Variants in PPP5C observed in about 807,000 individuals in gnomAD.
PPP5C encodes protein phosphatase 5 catalytic subunit.
PPP5C carries 21 observed loss-of-function variants against 66.7 expected under a neutral mutation model. That is an observed-to-expected ratio of 0.31 (90% CI 0.22 to 0.45). PPP5C has a LOEUF of 0.45. Among genes scored for constraint, PPP5C ranks in the 20% least tolerant of loss-of-function variants. The pLI is 1.00. For synonymous variants in PPP5C, 246 were observed against 257.4 expected (o/e 0.96, Z 0.43); for missense variants, 464 against 675.9 (o/e 0.69, Z 3.48).
chr19:46,375,142 G>C (rs1310603519), intron 2 of PPP5C, among the ~76,000 whole-genome samples: 1 of 152,166 alleles, frequency 6.6e-6, no homozygotes, highest in African/African-American at 2.4e-5. Context: ...GGTAACCTGG[G>C]CTTGGGGAGT....
At chr19:46,358,832 C>T (rs1418419720) in intron 2 of PPP5C, among the ~76,000 whole-genome samples, 3 of 152,058 alleles carry the variant, frequency 2.0e-5, no homozygotes, top group Non-Finnish European at 4.4e-5. Flanking sequence ...GTGATGGCAT[C>T]CGTGTATGGC....
At position 46,375,470 on chromosome 19, in the gene PPP5C, G is replaced by T. The variant is rs376943807; in HGVS notation, c.364-134G>T. On this transcript the variant is annotated intron_variant, in intron 2 of 12. Transcript: ENST00000012443. ...AAGGCTCGGCAGTTAAATACGTCTA[G>T]GGTTGCACCATCAGCACCTGGCGCC... The T allele has an allele frequency of 1.1e-4, 155 of 1,348,342 alleles. No homozygotes were observed. The East Asian group carries it at 2.7e-3, about 24-fold the overall frequency. The allele number at this position is 1,348,342 out of a possible 1,614,324, so 83.5% of individuals were successfully genotyped here.
chr19:46,353,612 C>T (rs1601411684), intron 1 of PPP5C, 136 bp from the exon 2 acceptor site: 5 of 1,314,048 alleles, frequency 3.8e-6, no homozygotes, highest in Admixed American at 4.3e-5. Context: ...GAGGGGCAGG[C>T]TGAAGAGATG....
In PPP5C at chr19:46,375,654, G is replaced by A; in HGVS notation, c.414G>A (p.Glu138=). The change falls in exon 3 of 13, where the codon GAG becomes GAA. Residue 138 remains glutamate (E), a synonymous_variant. Coordinates refer to ENST00000012443, the MANE Select transcript of PPP5C (RefSeq NM_006247.4). ...HDKDAKMKYQ[E]CNKIVKQKAF... ...AGGATGCCAAAATGAAATACCAGGA[G>A]TGCAACAAGATCGTGAAGCAGAAGG... is the stretch of plus-strand genomic sequence containing the variant. 6.2e-7 allele frequency: 1 copy of A among 1,614,072 alleles called. No homozygotes were observed. The highest frequency in any genetic ancestry group is 8.5e-7 in the Non-Finnish European group (1 of 1,179,966).
intron 7 of PPP5C, among the ~76,000 whole-genome samples, chr19:46,386,195 G>C (rs1972882718): frequency 6.6e-6 from 1 of 152,152 alleles, no homozygotes; most frequent in Admixed American, 6.5e-5. Context: ...GGGTTCCAAG[G>C]GGTGTTGAAA....
intron 2 of PPP5C, among the ~76,000 whole-genome samples, chr19:46,373,146 C>G (rs1330441890): frequency 6.6e-6 from 1 of 152,246 alleles, no homozygotes; most frequent in African/African-American, 2.4e-5. Flanking sequence ...AGTCCCAGAG[C>G]CCAGGCTCAT....
At position 46,376,775 on chromosome 19, in the gene PPP5C, C is replaced by A; in HGVS notation, c.633+201C>A. The A allele has an allele frequency of 3.0e-6, 2 of 673,922 alleles. No homozygotes were observed. The highest frequency in any genetic ancestry group is 1.8e-5 in the African/African-American group (1 of 54,738). The allele number at this position is 673,922 out of a possible 1,614,324, so 41.7% of individuals were successfully genotyped here. A position where few individuals can be genotyped will look rare whatever the true frequency, so the allele number is the denominator to read the frequency against. Reference sequence around the variant, plus strand: ...CACAGCAGTTTGGGGAGGTGGCAGGCAGTGCCATTTGACAGATGCAGGGAC... The same window carrying A: ...CACAGCAGTTTGGGGAGGTGGCAGGAAGTGCCATTTGACAGATGCAGGGAC... On this transcript the variant is annotated intron_variant, in intron 4 of 12. Transcript: ENST00000012443. The surrounding 1 kb of genome is among the most constrained non-coding windows in gnomAD (Gnocchi z 5.1).
At chr19:46,363,324 A>G (rs1261275960) in intron 2 of PPP5C, among the ~76,000 whole-genome samples, 7 of 131,608 alleles carry the variant, frequency 5.3e-5, no homozygotes, top group Non-Finnish European at 1.6e-5. Flanking sequence ...AAAAAAAAAA[A>G]AAAAAAAAAA....
chr19:46,349,351 G>A (rs1972143039), intron 1 of PPP5C, among the ~76,000 whole-genome samples: 3 of 152,094 alleles, frequency 2.0e-5, no homozygotes, highest in African/African-American at 7.2e-5. Context: ...AAGGATGGAA[G>A]AGAGTAGAGT....
chr19:46,368,010 G>T (rs11083821), intron 2 of PPP5C, among the ~76,000 whole-genome samples: 146,960 of 152,228 alleles, frequency 0.97, 70,958 homozygotes, highest in East Asian at 1. Flanking sequence ...TCCCCACGTT[G>T]GTTCCCTAAG....
chr19:46,350,105 C>A (rs967375618), intron 1 of PPP5C, among the ~76,000 whole-genome samples: 3 of 152,038 alleles, frequency 2.0e-5, no homozygotes, highest in South Asian at 2.1e-4. Flanking sequence ...TTTAGGAACA[C>A]CCCTCTGGAG....
At position 46,347,337 on chromosome 19, in the gene PPP5C, G is replaced by A; in HGVS notation, c.121+120G>A. ...GCGGGGCAGACACTACCAAGTGACC[G>A]GGCGTGGGGAGGCCCAGGATGGCGC... is the stretch of plus-strand genomic sequence containing the variant. On this transcript the variant is annotated intron_variant, in intron 1 of 12. Transcript: ENST00000012443. The A allele has an allele frequency of 5.0e-6, 7 of 1,407,726 alleles. No homozygotes were observed. In the South Asian group the frequency reaches 6.0e-5, roughly 12 times the overall value. The allele number at this position is 1,407,726 out of a possible 1,614,324, so 87.2% of individuals were successfully genotyped here.
intron 7 of PPP5C, among the ~76,000 whole-genome samples, chr19:46,386,344 G>A (rs1354388672): frequency 6.6e-6 from 1 of 152,180 alleles, no homozygotes; most frequent in East Asian, 1.9e-4. Flanking sequence ...AAGCCTGCAT[G>A]CCCGTGTCCC....
chr19:46,359,394 G>A (rs921228231), intron 2 of PPP5C, among the ~76,000 whole-genome samples: 1 of 152,152 alleles, frequency 6.6e-6, no homozygotes, highest in African/African-American at 2.4e-5. Flanking sequence ...AAACAAGAAT[G>A]TATATGCCAG....
At chr19:46,379,182 T>A (rs1032861765) in intron 4 of PPP5C, among the ~76,000 whole-genome samples, 3 of 152,068 alleles carry the variant, frequency 2.0e-5, no homozygotes, top group Non-Finnish European at 4.4e-5. Flanking sequence ...GCCTCCCGAG[T>A]AGCTGGGACT....
intron 1 of PPP5C, among the ~76,000 whole-genome samples, chr19:46,349,841 G>A (rs911938185): frequency 1.3e-5 from 2 of 151,778 alleles, no homozygotes; most frequent in African/African-American, 2.4e-5. Context: ...GAGGGTGGAC[G>A]GTACTCCAGG....
chr19:46,366,272 T>G (rs1972489147), intron 2 of PPP5C, among the ~76,000 whole-genome samples: 1 of 152,054 alleles, frequency 6.6e-6, no homozygotes, highest in African/African-American at 2.4e-5. Context: ...GGGCCAGGGT[T>G]GAGAGAATTG....
At chr19:46,353,677 C>T (rs568837225) in intron 1 of PPP5C, 71 bp from the exon 2 acceptor site, 29 of 1,587,920 alleles carry the variant, frequency 1.8e-5, no homozygotes, top group South Asian at 5.7e-5. Flanking sequence ...GGAGACTGGG[C>T]GTCACCCAGC....
intron 2 of PPP5C, among the ~76,000 whole-genome samples, chr19:46,372,413 A>G (rs1972609838): frequency 6.6e-6 from 1 of 151,964 alleles, no homozygotes; most frequent in African/African-American, 2.4e-5. Context: ...GGGACTCACT[A>G]TGTTGTCCAG....
Sources: allele counts gnomAD v4.1 joint callset (sites outside exome capture counted in the v4.1 genomes callset), GRCh38; gene constraint gnomAD v4.1.1; non-coding constraint Gnocchi (gnomAD v3.1); transcripts MANE v1.5; gene names NCBI Gene and HGNC (gene_info 2026-07-23, HGNC 2026-07-21).